Variants in MRTFB observed in about 807,000 individuals in gnomAD.
The protein encoded by MRTFB is myocardin-related transcription factor B.
A neutral mutation model predicts 104.2 loss-of-function variants in MRTFB; 29 were observed. The ratio of observed to expected loss-of-function variants is 0.28; its 90% CI spans 0.21 to 0.38. The LOEUF is 0.38. Ranked by LOEUF, MRTFB falls within the 10% of genes least tolerant of loss-of-function variation. The probability of loss-of-function intolerance (pLI) is 1.00; values close to 1 mark genes in which losing one functional copy is unlikely to be tolerated. For synonymous variants in MRTFB, 535 were observed against 519.5 expected, an observed-to-expected ratio of 1.03 and a Z score of -0.41; for missense variants, 1,270 against 1,341.6, an observed-to-expected ratio of 0.95 and a Z score of 0.83.
rs769241056 is a variant in MRTFB at position 14,246,732 on chromosome 16, G to C, written c.1472G>C (p.Ser491Thr). Residue 491 changes from serine (S) to threonine (T), a missense_variant, in exon 12 of 17, where the codon AGC becomes ACC. Coordinates refer to ENST00000571589, the MANE Select transcript of MRTFB (RefSeq NM_001308142.2). ...GCAGAATTGCCACCTACAGGAACCAGCAACGCAACCCGTGTGGAAAATGTT... is the reference window on the plus strand; with the variant it reads ...GCAGAATTGCCACCTACAGGAACCACCAACGCAACCCGTGTGGAAAATGTT... The part of the protein sequence containing the change: ...LKAELPPTGT[S>T]NATRVENVHS... 1 of 1,614,152 alleles carries C rather than the reference G, an allele frequency of 6.2e-7. No individual in the cohort carries two copies. Among genetic ancestry groups the C allele is most frequent in the Admixed American group, 1.7e-5 (1 of 60,022 alleles).
chr16:14,096,811 TC>T (rs1386615185), intron 2 of MRTFB, among the ~76,000 whole-genome samples: 1 of 152,208 alleles, frequency 6.6e-6, no homozygotes, highest in African/African-American at 2.4e-5. Context: ...TCATTTTGGG[TC>T]CCTGTTCCTA....
chr16:14,164,209 G>T (rs966613569), intron 3 of MRTFB, among the ~76,000 whole-genome samples: 6 of 151,924 alleles, frequency 3.9e-5, no homozygotes, highest in African/African-American at 1.5e-4. Context: ...CCCAGCACCC[G>T]CCCCACACTG....
chr16:14,081,590 C>G (rs2034408719), intron 2 of MRTFB, among the ~76,000 whole-genome samples: 1 of 148,404 alleles, frequency 6.7e-6, no homozygotes, highest in South Asian at 2.1e-4. Flanking sequence ...CTGCACCCGG[C>G]CATTTGTATG....
At chr16:14,187,940 C>T (rs1420245259) in intron 3 of MRTFB, among the ~76,000 whole-genome samples, 2 of 152,186 alleles carry the variant, frequency 1.3e-5, no homozygotes, top group African/African-American at 4.8e-5. Flanking sequence ...CAGCAGCCAC[C>T]CCCTTGCCTC....
intron 10 of MRTFB, among the ~76,000 whole-genome samples, chr16:14,245,265 A>G (rs1410158333): frequency 2.6e-5 from 4 of 152,082 alleles, no homozygotes; most frequent in Non-Finnish European, 5.9e-5. Flanking sequence ...GCTTTTCTTC[A>G]AGGATTCATG....
intron 14 of MRTFB, 26 bp downstream of exon 14, chr16:14,252,049 G>T (rs1268115854): frequency 1.2e-6 from 2 of 1,610,378 alleles, no homozygotes; most frequent in South Asian, 2.2e-5. Flanking sequence ...TTGTGTGTCA[G>T]TGACAGTGCC....
intron 12 of MRTFB, chr16:14,248,541 C>T (rs2043120434): frequency 6.2e-6 from 1 of 161,726 alleles, no homozygotes; most frequent in Non-Finnish European, 1.3e-5. Context: ...CTAGGGAATG[C>T]ACACACCGCT....
chr16:14,240,223 T>C lies in MRTFB; in HGVS notation c.832-14T>C. ...ACATCTCTTTAAATGTTATTTTCTT[T>C]TTCTCAAAAATAGCAAAGCCATCCC... On this transcript the variant is annotated splice_polypyrimidine_tract_variant and intron_variant, in intron 9 of 16. Transcript: ENST00000571589. The C allele has an allele frequency of 6.4e-7, 1 of 1,573,290 alleles. No individual in the cohort carries two copies. The highest frequency in any genetic ancestry group is 1.7e-4 in the Middle Eastern group (1 of 5,846).
intron 3 of MRTFB, among the ~76,000 whole-genome samples, chr16:14,179,718 A>G (rs1258459264): frequency 1.3e-5 from 2 of 152,230 alleles, no homozygotes. Flanking sequence ...AAGGAAGAGA[A>G]TGCAGGTAAG....
chr16:14,162,152 CA>C (rs376183467), intron 3 of MRTFB, among the ~76,000 whole-genome samples: 699 of 62,700 alleles, frequency 0.011, no homozygotes, highest in Non-Finnish European at 0.018. Flanking sequence ...CCTGTCTCTA[CA>C]AAAAAAAAAA....
rs2042401021 is a variant in MRTFB at position 14,234,303 on chromosome 16, C to T, written c.831+20C>T. 12 of 1,610,528 alleles carry T rather than the reference C, an allele frequency of 7.5e-6. No individual in the cohort carries two copies. In the East Asian group the frequency reaches 2.7e-4, roughly 36 times the overall value. On this transcript the variant is annotated intron_variant, in intron 9 of 16. Transcript: ENST00000571589. ...GTGAAGGTGGGTACTTTGGATACACCCTGGGTTTGGTGGCTTTATTTGTGA... is the reference window on the plus strand; with the variant it reads ...GTGAAGGTGGGTACTTTGGATACACTCTGGGTTTGGTGGCTTTATTTGTGA...
chr16:14,177,543 G>T lies in MRTFB; in HGVS notation c.155-32700G>T, dbSNP rs189599630. ...TATAGCATATAATCTTAAAATCAAG[G>T]ATATCTGAACTCCAGAAAGAAAACT... On this transcript the variant is annotated intron_variant, in intron 3 of 16. Coordinates refer to ENST00000571589, the MANE Select transcript of MRTFB (RefSeq NM_001308142.2). This position sits in a 1 kb window ranked among gnomAD's most constrained non-coding sequence, Gnocchi z 4.7. Among the ~76,000 whole-genome samples, 59 of 152,224 alleles carry T rather than the reference G, an allele frequency of 3.9e-4. No homozygotes were observed. The highest frequency in any genetic ancestry group is 1.4e-3 in the Admixed American group (21 of 15,288).
chr16:14,215,809 A>G (rs749789315), intron 6 of MRTFB, among the ~76,000 whole-genome samples: 1 of 152,236 alleles, frequency 6.6e-6, no homozygotes, highest in Non-Finnish European at 1.5e-5. Flanking sequence ...ACCTTGTGCT[A>G]GGGCCTTCTC....
At chr16:14,075,282 G>A (rs755014160) in intron 1 of MRTFB, among the ~76,000 whole-genome samples, 6 of 152,230 alleles carry the variant, frequency 3.9e-5, no homozygotes, top group Non-Finnish European at 2.9e-5. Context: ...AAGACCCTTT[G>A]CGTACCTTCT....
chr16:13,998,742 C>T, the MRTFB span, among the ~76,000 whole-genome samples: 1 of 150,860 alleles, frequency 6.6e-6, no homozygotes, highest in Non-Finnish European at 1.5e-5. Flanking sequence ...GGAGGAGGAA[C>T]AAGGAGAAGG....
intron 2 of MRTFB, among the ~76,000 whole-genome samples, chr16:14,108,382 T>C (rs1275399802): frequency 6.6e-6 from 1 of 152,246 alleles, no homozygotes; most frequent in Non-Finnish European, 1.5e-5. Flanking sequence ...AGGTTGAGTT[T>C]CATCATAAGC....
chr16:14,068,906 C>T (rs545085266), upstream of MRTFB, among the ~76,000 whole-genome samples: 7 of 150,548 alleles, frequency 4.6e-5, no homozygotes, highest in Non-Finnish European at 5.9e-5. Context: ...CTTTCTCTTC[C>T]GGAGCCAGGA....
At chr16:14,248,792 AGTGT>A in intron 12 of MRTFB, 130 bp from the exon 13 acceptor site, 3 of 824,062 alleles carry the variant, frequency 3.6e-6, no homozygotes, top group Non-Finnish European at 5.5e-6. Flanking sequence ...GTGCAGATGA[AGTGT>A]GTATCTGTAA....
chr16:14,050,100 T>A, the MRTFB span, among the ~76,000 whole-genome samples: 2 of 152,194 alleles, frequency 1.3e-5, no homozygotes, highest in Admixed American at 1.3e-4. Flanking sequence ...GTGTACATGT[T>A]GTATGCATAT....
Sources: gnomAD v4.1 joint callset for allele counts (sites outside exome capture counted in the v4.1 genomes callset) on GRCh38, gnomAD v4.1.1 for gene constraint, Gnocchi (gnomAD v3.1) non-coding constraint, MANE v1.5 for transcripts, NCBI Gene and HGNC (gene_info 2026-07-23, HGNC 2026-07-21) for gene names.